The following TRPC7 variants were observed in gnomAD, a reference collection of about 807,000 sequenced individuals.
The protein encoded by TRPC7 is transient receptor potential cation channel subfamily C member 7, also known as short transient receptor potential channel 7.
In TRPC7, 42 loss-of-function variants were observed where a neutral mutation model predicts 90.1. The observed-to-expected ratio is 0.47, with a 90% CI of 0.36 to 0.60. The LOEUF (loss-of-function observed/expected upper bound fraction) is 0.60. TRPC7 is among the 20% of genes least tolerant of loss of function. The pLI is 0.00. For synonymous variants in TRPC7, 451 were observed against 436.3 expected (o/e 1.03, Z -0.42); for missense variants, 955 against 1,112.3 (o/e 0.86, Z 2.01).
At chr5:136,229,119 G>A (rs1755736324) in intron 8 of TRPC7, among the ~76,000 whole-genome samples, 1 of 152,218 alleles carries the variant, frequency 6.6e-6, no homozygotes, top group African/African-American at 2.4e-5. Flanking sequence ...GGCCCAGAAG[G>A]GCAGGAAGGA....
chr5:136,316,123 C>A (rs1214779064), intron 2 of TRPC7: 1 of 220,900 alleles, frequency 4.5e-6, no homozygotes, highest in Non-Finnish European at 8.9e-6. Context: ...AGAAATCTGT[C>A]TTTTAACTTT....
At chr5:136,238,163 T>C (rs1328546753) in intron 7 of TRPC7, among the ~76,000 whole-genome samples, 2 of 152,256 alleles carry the variant, frequency 1.3e-5, no homozygotes, top group African/African-American at 4.8e-5. Context: ...GAGACCTTCT[T>C]TGACGACCTG....
intron 2 of TRPC7, among the ~76,000 whole-genome samples, chr5:136,354,687 C>T (rs533406767): frequency 3.6e-4 from 55 of 152,308 alleles, no homozygotes; most frequent in African/African-American, 1.3e-3. Flanking sequence ...CATGGCTTTC[C>T]CTTTCCTACA....
chr5:136,311,852 A>C (rs1758844018), intron 3 of TRPC7, among the ~76,000 whole-genome samples: 1 of 152,180 alleles, frequency 6.6e-6, no homozygotes, highest in Non-Finnish European at 1.5e-5. Flanking sequence ...TGGGTAAGAG[A>C]AATGTCCTAA....
intron 3 of TRPC7, among the ~76,000 whole-genome samples, chr5:136,278,512 G>T (rs996934957): frequency 2.6e-5 from 4 of 152,202 alleles, no homozygotes; most frequent in African/African-American, 4.8e-5. Flanking sequence ...ATAAATGATT[G>T]AATTCATGTC....
At chr5:136,264,527 C>A (rs1756961019) in intron 5 of TRPC7, among the ~76,000 whole-genome samples, 1 of 151,984 alleles carries the variant, frequency 6.6e-6, no homozygotes, top group Admixed American at 6.6e-5. Flanking sequence ...TTTAATGTCC[C>A]TTCCCAACTT....
In TRPC7 at chr5:136,330,216, G is replaced by A. The variant is rs552676758; in HGVS notation, c.781-14437C>T. 2.0e-3 allele frequency among the ~76,000 whole-genome samples: 299 copies of A among 152,318 alleles called. 1 individual carries two copies. Among genetic ancestry groups the A allele is most frequent in the African/African-American group, 6.5e-3 (271 of 41,574 alleles). ...GATTGATTGGTCTGTGCACCCATTA[G>A]GATGTAAGAAAATATTAAAAGATAT... On this transcript the variant is annotated intron_variant, in intron 2 of 11. Coordinates refer to ENST00000513104, the MANE Select transcript of TRPC7 (RefSeq NM_020389.3).
intron 5 of TRPC7, among the ~76,000 whole-genome samples, chr5:136,259,522 G>A (rs761726977): frequency 6.6e-5 from 10 of 152,190 alleles, no homozygotes; most frequent in South Asian, 6.2e-4. Flanking sequence ...AATCTCATGC[G>A]TTATGGAGAT....
intron 3 of TRPC7, among the ~76,000 whole-genome samples, chr5:136,314,556 G>T (rs1758948663): frequency 6.6e-6 from 1 of 152,082 alleles, no homozygotes; most frequent in Non-Finnish European, 1.5e-5. Flanking sequence ...CTTAAAATTT[G>T]TGATTATTAT....
chr5:136,229,345 C>A (rs569056626), intron 8 of TRPC7, among the ~76,000 whole-genome samples: 2 of 152,262 alleles, frequency 1.3e-5, no homozygotes, highest in Non-Finnish European at 2.9e-5. Context: ...CTGCTTCACC[C>A]CTCCCTGCCT....
In TRPC7 at chr5:136,220,042, CA is replaced by C. The variant is rs540350637; in HGVS notation, c.2344-3768del. Among the ~76,000 whole-genome samples, 8 of 152,298 alleles carry C rather than the reference CA, an allele frequency of 5.3e-5. No homozygotes were observed. The South Asian group carries it at 1.7e-3, about 32-fold the overall frequency. ...TATCACTTTCCTAATAATACTTTAA[CA>C]ATTTCTTACACTTGTCTTTATTTTA... On this transcript the variant is annotated intron_variant, in intron 10 of 11. Coordinates refer to ENST00000513104, the MANE Select transcript of TRPC7 (RefSeq NM_020389.3).
chr5:136,260,715 G>A (rs761356623), intron 5 of TRPC7, among the ~76,000 whole-genome samples: 3 of 152,158 alleles, frequency 2.0e-5, no homozygotes, highest in Non-Finnish European at 4.4e-5. Context: ...ACTCAATTAC[G>A]TTTTAAATGG....
chr5:136,256,081 C>G (rs1038750217), intron 5 of TRPC7, among the ~76,000 whole-genome samples: 1 of 152,244 alleles, frequency 6.6e-6, no homozygotes, highest in Non-Finnish European at 1.5e-5. Context: ...GAATCACCAG[C>G]TGGTCAGTGA....
At chr5:136,286,433 G>A (rs972345156) in intron 3 of TRPC7, among the ~76,000 whole-genome samples, 1 of 152,200 alleles carries the variant, frequency 6.6e-6, no homozygotes, top group Non-Finnish European at 1.5e-5. Context: ...GAAGGCAGCT[G>A]CCATACTATA....
intron 2 of TRPC7, among the ~76,000 whole-genome samples, chr5:136,353,606 T>A (rs1227929879): frequency 6.6e-6 from 1 of 152,186 alleles, no homozygotes; most frequent in Non-Finnish European, 1.5e-5. Flanking sequence ...CTGAGAAGAT[T>A]TATAATGTCA....
At chr5:136,361,281 C>A (rs1265238836) in intron 1 of TRPC7, among the ~76,000 whole-genome samples, 1 of 152,082 alleles carries the variant, frequency 6.6e-6, no homozygotes, top group Non-Finnish European at 1.5e-5. Context: ...TGATTAAATA[C>A]CCCAATTAAG....
At chr5:136,337,683 C>A (rs1421858923) in intron 2 of TRPC7, among the ~76,000 whole-genome samples, 1 of 149,434 alleles carries the variant, frequency 6.7e-6, no homozygotes, top group Non-Finnish European at 1.5e-5. Context: ...AAAAAAAAAT[C>A]TGTTCTAAGG....
At chr5:136,240,840 GT>G (rs1037041834) in intron 7 of TRPC7, among the ~76,000 whole-genome samples, 2 of 152,072 alleles carry the variant, frequency 1.3e-5, no homozygotes, top group African/African-American at 4.8e-5. Flanking sequence ...GAGAAAGCAG[GT>G]GCATATTTTT....
chr5:136,282,535 T>C (rs1757579883), intron 3 of TRPC7, among the ~76,000 whole-genome samples: 1 of 152,232 alleles, frequency 6.6e-6, no homozygotes, highest in Admixed American at 6.5e-5. Context: ...ATATTGCCCA[T>C]ATTTTATTTT....
Sources: gnomAD v4.1 joint callset for allele counts (sites outside exome capture counted in the v4.1 genomes callset) on GRCh38, gnomAD v4.1.1 for gene constraint, MANE v1.5 for transcripts, NCBI Gene and HGNC (gene_info 2026-07-23, HGNC 2026-07-21) for gene names.